The following DMD variants were observed in gnomAD, a reference collection of about 807,000 sequenced individuals.
DMD encodes mutant dystrophin.
A neutral mutation model predicts 330.1 loss-of-function variants in DMD; 63 were observed. That is an observed-to-expected ratio of 0.19 (90% CI 0.16 to 0.24). The LOEUF is 0.24. Ranked by LOEUF, DMD falls within the 10% of genes least tolerant of loss-of-function variation. The pLI, the probability that DMD is intolerant of heterozygous loss-of-function variation, is 1.00. For missense variants in DMD, 3,344 were observed against 2,684.1 expected (o/e 1.25, Z -5.43); for synonymous variants, 1,223 against 959.8 (o/e 1.27, Z -5.07).
In DMD at chrX:32,902,401, A is replaced by T. The variant is rs760858903; in HGVS notation, c.94-52581T>A. On this transcript the variant is annotated intron_variant, in intron 2 of 78. Transcript: ENST00000357033. The stretch of plus-strand genomic sequence containing the variant: ...AAACAAGTGGTAACTCAGTTTAATT[A>T]ACCAAATATATACCACATGCAAAAT... Among the ~76,000 whole-genome samples the T allele has an allele frequency of 9.0e-5, 10 of 111,194 alleles. No homozygotes were observed. The South Asian group carries it at 3.3e-3, about 37-fold the overall frequency.
At chrX:33,108,847 C>T (rs1285098783) in intron 1 of DMD, among the ~76,000 whole-genome samples, 2 of 25,900 alleles carry the variant, frequency 7.7e-5, no homozygotes, top group Non-Finnish European at 8.3e-5. Context: ...GCCTGGGCAA[C>T]AAGAGTGAAA....
intron 7 of DMD, among the ~76,000 whole-genome samples, chrX:32,769,621 T>C (rs908537233): frequency 6.2e-5 from 7 of 112,005 alleles, no homozygotes; most frequent in Non-Finnish European, 1.1e-4. Flanking sequence ...ACTTTGTTTC[T>C]GATGATTTAA....
At chrX:32,128,042 C>G (rs778148735) in intron 44 of DMD, among the ~76,000 whole-genome samples, 1 of 112,144 alleles carries the variant, frequency 8.9e-6, no homozygotes, top group Non-Finnish European at 1.9e-5. Flanking sequence ...ATGCAAGACA[C>G]AGAAAATAGG....
intron 2 of DMD, among the ~76,000 whole-genome samples, chrX:32,860,325 A>C (rs1032559170): frequency 8.9e-6 from 1 of 112,279 alleles, no homozygotes; most frequent in African/African-American, 3.2e-5. Flanking sequence ...TTCAGTAGAA[A>C]GTAAAGAACA....
intron 17 of DMD, among the ~76,000 whole-genome samples, chrX:32,536,643 G>A (rs953359146): frequency 9.8e-5 from 11 of 112,072 alleles, no homozygotes; most frequent in Non-Finnish European, 1.9e-4. Flanking sequence ...TTTAATTGCC[G>A]AACTTTCTTG....
At chrX:32,837,989 A>G (rs374642169) in intron 4 of DMD, among the ~76,000 whole-genome samples, 1 of 112,082 alleles carries the variant, frequency 8.9e-6, no homozygotes, top group African/African-American at 3.2e-5. Context: ...AGTATCTACT[A>G]TGCTTTAGTG....
chrX:31,975,852 T>C (rs1401775351), intron 44 of DMD, among the ~76,000 whole-genome samples: 1 of 112,021 alleles, frequency 8.9e-6, no homozygotes, highest in Non-Finnish European at 1.9e-5. Context: ...GCCAACAAAA[T>C]TGTTTTTCAA....
intron 11 of DMD, among the ~76,000 whole-genome samples, chrX:32,623,535 T>C (rs1002927008): frequency 1.9e-5 from 2 of 108,100 alleles, no homozygotes; most frequent in African/African-American, 6.8e-5. Context: ...AGTATTTTTT[T>C]TTTTTTTTTT....
At chrX:31,710,546 T>C (rs756268693) in intron 52 of DMD, among the ~76,000 whole-genome samples, 1 of 112,093 alleles carries the variant, frequency 8.9e-6, no homozygotes, top group South Asian at 3.7e-4. Context: ...TTCTCCCAAT[T>C]CTATCACTTT....
chrX:32,704,486 C>G (rs1313384822), intron 7 of DMD, among the ~76,000 whole-genome samples: 2 of 111,723 alleles, frequency 1.8e-5, no homozygotes, highest in Non-Finnish European at 3.8e-5. Context: ...AATTTCAGGC[C>G]AAGTTTCTGC....
At chrX:32,309,249 T>C (rs867774291) in intron 42 of DMD, among the ~76,000 whole-genome samples, 12 of 111,595 alleles carry the variant, frequency 1.1e-4, no homozygotes, top group African/African-American at 3.9e-4. Flanking sequence ...CAGGAAACCA[T>C]TTGAGTATAA....
chrX:32,645,160 A>G lies in DMD; in HGVS notation c.961-8T>C. On this transcript the variant is annotated splice_region_variant and splice_polypyrimidine_tract_variant and intron_variant, in intron 9 of 78. Coordinates refer to ENST00000357033, the MANE Select transcript of DMD (RefSeq NM_004006.3). ...TTCAGGAGCTTCCAAATGCTGCACA[A>G]TAAAATAAATTGGGTGTTACACAAT... 8.3e-7 allele frequency: 1 copy of G among 1,209,852 alleles called. No individual in the cohort carries two copies. The highest frequency in any genetic ancestry group is 1.1e-6 in the Non-Finnish European group (1 of 893,997).
chrX:32,762,847 A>C (rs2148395931), intron 7 of DMD, among the ~76,000 whole-genome samples: 1 of 111,785 alleles, frequency 8.9e-6, no homozygotes, highest in Non-Finnish European at 1.9e-5. Flanking sequence ...TGACCTAATT[A>C]ATGTAGTAAA....
intron 4 of DMD, among the ~76,000 whole-genome samples, chrX:32,829,985 G>C (rs771815421): frequency 1.8e-5 from 2 of 111,778 alleles, no homozygotes; most frequent in South Asian, 7.4e-4. Flanking sequence ...TATTTTGGTT[G>C]TGTTTTGTCT....
At position 32,133,175 on chromosome X, in the gene DMD, A is replaced by G. The variant is rs924095192; in HGVS notation, c.6438+83741T>C. On this transcript the variant is annotated intron_variant, in intron 44 of 78. Transcript: ENST00000357033. Reference sequence around the variant, plus strand: ...AGGTGTGTGCCACCACACCCAGCTAATTTTGTATTTTTAGTAGAGATGGGG... The same window carrying G: ...AGGTGTGTGCCACCACACCCAGCTAGTTTTGTATTTTTAGTAGAGATGGGG... Among the ~76,000 whole-genome samples, 4 of 108,346 alleles carry G rather than the reference A, an allele frequency of 3.7e-5. No individual in the cohort carries two copies. The Admixed American group carries it at 4.0e-4, about 11-fold the overall frequency. The allele number at this position is 108,346 out of a possible 115,157, so 94.1% of individuals were successfully genotyped here.
chrX:32,548,568 G>A (rs907205521), intron 16 of DMD, among the ~76,000 whole-genome samples: 1 of 111,424 alleles, frequency 9.0e-6, no homozygotes, highest in African/African-American at 3.3e-5. Context: ...ATTGGAAAAC[G>A]TTTGCTTTAC....
In DMD at chrX:33,009,547, CATATGTGT is replaced by C. The variant is rs1462270860; in HGVS notation, c.93+10584_93+10591del. The stretch of plus-strand genomic sequence containing the variant: ...GTGTATGTGTGTATGTGTATATACA[CATATGTGT>C]GTATGTGTGTATGTGTATATACACA... On this transcript the variant is annotated intron_variant, in intron 2 of 78. Coordinates refer to ENST00000357033, the MANE Select transcript of DMD (RefSeq NM_004006.3). 1.5e-4 allele frequency among the ~76,000 whole-genome samples: 10 copies of C among 65,994 alleles called. 2 individuals carry two copies. The highest frequency in any genetic ancestry group is 2.8e-4 in the Non-Finnish European group (10 of 35,278). The allele number at this position is 65,994 out of a possible 115,157, so 57.3% of individuals were successfully genotyped here.
rs949063399 is a variant in DMD, at chrX:32,962,197, T to C, written c.93+57942A>G. 1.5e-4 allele frequency among the ~76,000 whole-genome samples: 17 copies of C among 111,655 alleles called. No individual in the cohort carries two copies. In the Admixed American group the frequency reaches 1.6e-3, roughly 11 times the overall value. On this transcript the variant is annotated intron_variant, in intron 2 of 78. Transcript: ENST00000357033. The stretch of plus-strand genomic sequence containing the variant: ...GAAAAATGCTAAAAATACAATAACT[T>C]GCACCATTGCAGCTAGTACTATATT...
At position 32,431,910 on chromosome X, in the gene DMD, T is replaced by A. The variant is rs929724403; in HGVS notation, c.4071+6331A>T. 7.2e-5 allele frequency among the ~76,000 whole-genome samples: 8 copies of A among 110,783 alleles called. 1 individual carries two copies. The Admixed American group carries it at 7.7e-4, about 11-fold the overall frequency. On this transcript the variant is annotated intron_variant, in intron 29 of 78. Transcript: ENST00000357033. ...TCTATGTGTTTATGATGAGCTCAAG[T>A]TCCCCTGAGTTTAATCTGTGAGGAC...
Sources: gnomAD v4.1 joint callset for allele counts (sites outside exome capture counted in the v4.1 genomes callset) on GRCh38, gnomAD v4.1.1 for gene constraint, MANE v1.5 for transcripts, NCBI Gene and HGNC (gene_info 2026-07-23, HGNC 2026-07-21) for gene names.